FHOD3: variants seen among roughly 807,000 people sequenced by gnomAD.
FHOD3 encodes the protein FH1/FH2 domain-containing protein 3.
A neutral mutation model predicts 173.0 loss-of-function variants in FHOD3; 90 were observed. The ratio of observed to expected loss-of-function variants is 0.52; its 90% CI spans 0.44 to 0.62. The LOEUF (loss-of-function observed/expected upper bound fraction) is 0.62. Ranked by LOEUF, FHOD3 falls within the 20% of genes least tolerant of loss-of-function variation. FHOD3 has a pLI of 0.00. For missense variants in FHOD3, 1,945 were observed against 2,034.7 expected (o/e 0.96, Z 0.85); for synonymous variants, 828 against 823.0 (o/e 1.01, Z -0.10).
intron 18 of FHOD3, among the ~76,000 whole-genome samples, chr18:36,711,810 G>C (rs1030561137): frequency 6.6e-6 from 1 of 152,206 alleles, no homozygotes; most frequent in African/African-American, 2.4e-5. Context: ...ACTGGGAAAA[G>C]GATTGCCTAA....
chr18:36,494,462 T>C (rs935304410), intron 3 of FHOD3, among the ~76,000 whole-genome samples: 2 of 152,226 alleles, frequency 1.3e-5, no homozygotes, highest in African/African-American at 4.8e-5. Context: ...AGCTTCTAAT[T>C]GCATTTACTC....
intron 24 of FHOD3, among the ~76,000 whole-genome samples, chr18:36,749,709 T>A (rs1259008104): frequency 6.6e-6 from 1 of 152,222 alleles, no homozygotes; most frequent in East Asian, 1.9e-4. Flanking sequence ...GTAATGGGAT[T>A]GCTGGGTCGA....
intron 3 of FHOD3, among the ~76,000 whole-genome samples, chr18:36,469,236 A>C (rs377109176): frequency 6.6e-6 from 1 of 152,200 alleles, no homozygotes; most frequent in East Asian, 1.9e-4. Context: ...TGACCCTCTC[A>C]GGGCCAGATG....
intron 28 of FHOD3, among the ~76,000 whole-genome samples, chr18:36,773,505 G>C (rs1286781907): frequency 1.3e-5 from 2 of 152,208 alleles, no homozygotes; most frequent in African/African-American, 4.8e-5. Context: ...CCACAGCAGG[G>C]ATGGGGCCTG....
intron 3 of FHOD3, among the ~76,000 whole-genome samples, chr18:36,447,763 A>G (rs1692443900): frequency 6.6e-6 from 1 of 152,266 alleles, no homozygotes; most frequent in East Asian, 1.9e-4. Context: ...TACATTATCA[A>G]CTTCATGGAA....
chr18:36,546,938 A>T lies in FHOD3; in HGVS notation c.512-29513A>T, dbSNP rs547577828. Among the ~76,000 whole-genome samples the T allele has an allele frequency of 3.9e-4, 59 of 152,250 alleles. 1 individual carries two copies. In the South Asian group the frequency reaches 0.012, roughly 30 times the overall value. Reference sequence around the variant, plus strand: ...ATAGAACCTCGAAGCAAGTAGTGAGATCTAAGGGCTTGAAAGTCAATGTGC... The same window carrying T: ...ATAGAACCTCGAAGCAAGTAGTGAGTTCTAAGGGCTTGAAAGTCAATGTGC... On this transcript the variant is annotated intron_variant, in intron 5 of 28. Coordinates refer to ENST00000590592, the MANE Select transcript of FHOD3 (RefSeq NM_001281740.3).
At chr18:36,464,023 A>G (rs139413881) in intron 3 of FHOD3, among the ~76,000 whole-genome samples, 4 of 152,368 alleles carry the variant, frequency 2.6e-5, no homozygotes, top group Admixed American at 1.3e-4. Context: ...CAATAATAGA[A>G]CAAGTAGTTT....
chr18:36,297,966 CG>C lies in FHOD3; in HGVS notation c.136del (p.Val46SerfsTer55). On this transcript the variant is annotated frameshift_variant, in exon 1 of 29. Coordinates refer to ENST00000590592, the MANE Select transcript of FHOD3 (RefSeq NM_001281740.3). LOFTEE classifies it high-confidence loss of function. ...REDLALGTQL[A>X]GVHRLLQAPH... ...GACCTCGCGCTCGGCACCCAGCTGG[CG>C]GGGGTCCATAGGCTGCTGCAGGCGC... The C allele has an allele frequency of 6.4e-7, 1 of 1,565,302 alleles. No homozygotes were observed. The highest frequency in any genetic ancestry group is 8.6e-7 in the Non-Finnish European group (1 of 1,157,142).
chr18:36,742,857 G>A lies in FHOD3; in HGVS notation c.3879+1G>A. 1 of 1,611,134 alleles carries A rather than the reference G, an allele frequency of 6.2e-7. No individual in the cohort carries two copies. Among genetic ancestry groups the A allele is most frequent in the Non-Finnish European group, 8.5e-7 (1 of 1,179,064 alleles). On this transcript the variant is annotated splice_donor_variant, in intron 22 of 28. Transcript: ENST00000590592. LOFTEE classifies it high-confidence loss of function. The stretch of plus-strand genomic sequence containing the variant: ...TGGGAACTTTCTAAATGGAACTAAT[G>A]TAAGTCATCCCCATCCCTCATCCTG...
At chr18:36,477,157 AGG>A (rs1316734115) in intron 3 of FHOD3, among the ~76,000 whole-genome samples, 1 of 151,956 alleles carries the variant, frequency 6.6e-6, no homozygotes, top group Non-Finnish European at 1.5e-5. Context: ...GTGAGGAAGG[AGG>A]TGACCTGTGG....
chr18:36,476,524 A>G (rs1290902113), intron 3 of FHOD3, among the ~76,000 whole-genome samples: 1 of 152,108 alleles, frequency 6.6e-6, no homozygotes, highest in East Asian at 1.9e-4. Context: ...CTGTGGGTGC[A>G]AGTTCTCTGT....
intron 25 of FHOD3, among the ~76,000 whole-genome samples, chr18:36,757,624 G>T (rs967862162): frequency 1.3e-5 from 2 of 152,168 alleles, no homozygotes; most frequent in African/African-American, 4.8e-5. Context: ...ATAAAATGAG[G>T]ATGCAAGTGG....
chr18:36,724,446 A>G (rs967419111), intron 19 of FHOD3, among the ~76,000 whole-genome samples: 7 of 152,168 alleles, frequency 4.6e-5, no homozygotes, highest in Admixed American at 1.3e-4. Flanking sequence ...GCTCTTCCCG[A>G]AGCTTTGGCA....
intron 3 of FHOD3, among the ~76,000 whole-genome samples, chr18:36,409,677 G>A (rs761732048): frequency 2.6e-5 from 4 of 152,204 alleles, no homozygotes; most frequent in Non-Finnish European, 4.4e-5. Flanking sequence ...GACATAGTTT[G>A]CAGTGAGTCT....
chr18:36,712,009 C>A (rs927869655), intron 18 of FHOD3, among the ~76,000 whole-genome samples: 2 of 152,176 alleles, frequency 1.3e-5, no homozygotes, highest in Non-Finnish European at 2.9e-5. Context: ...AGGGAGGGGG[C>A]ACTGACGTTC....
At chr18:36,378,574 T>TC (rs1240932948) in intron 3 of FHOD3, among the ~76,000 whole-genome samples, 13 of 71,074 alleles carry the variant, frequency 1.8e-4, no homozygotes, top group African/African-American at 6.8e-4. Context: ...CCAACCCCTG[T>TC]CCCCCCTGGA....
chr18:36,514,903 G>C (rs1036668636), intron 5 of FHOD3, among the ~76,000 whole-genome samples: 1 of 152,204 alleles, frequency 6.6e-6, no homozygotes, highest in Non-Finnish European at 1.5e-5. Flanking sequence ...TGCCTTCCTA[G>C]ACTCCACAGG....
intron 3 of FHOD3, among the ~76,000 whole-genome samples, chr18:36,490,133 C>T (rs1432122123): frequency 6.6e-6 from 1 of 152,208 alleles, no homozygotes; most frequent in Admixed American, 6.5e-5. Flanking sequence ...TTCAACCTCT[C>T]CGCAGAGGGA....
At chr18:36,680,009 C>T (rs938420895) in intron 14 of FHOD3, among the ~76,000 whole-genome samples, 1 of 152,156 alleles carries the variant, frequency 6.6e-6, no homozygotes, top group Non-Finnish European at 1.5e-5. Context: ...TGGCTGGATA[C>T]AGCAGGGAAG....
Sources: gnomAD v4.1 joint callset for allele counts (sites outside exome capture counted in the v4.1 genomes callset) on GRCh38, gnomAD v4.1.1 for gene constraint, MANE v1.5 for transcripts, NCBI Gene and HGNC (gene_info 2026-07-23, HGNC 2026-07-21) for gene names.